The following ADAMTS6 variants were observed in gnomAD, a reference collection of about 807,000 sequenced individuals.
ADAMTS6 encodes the protein ADAM metallopeptidase with thrombospondin type 1 motif 6, also known as A disintegrin and metalloproteinase with thrombospondin motifs 6.
Under a neutral mutation model 144.3 loss-of-function variants are expected in ADAMTS6, and 23 were observed. The observed-to-expected ratio is 0.16, with a 90% CI of 0.11 to 0.23. ADAMTS6 has a LOEUF of 0.23. ADAMTS6 is among the 10% of genes least tolerant of loss of function. ADAMTS6 has a pLI of 1.00. For missense variants in ADAMTS6, 999 were observed against 1,379.6 expected, an observed-to-expected ratio of 0.72 and a Z score of 4.37; for synonymous variants, 444 against 457.5, an observed-to-expected ratio of 0.97 and a Z score of 0.38.
In ADAMTS6 at chr5:65,333,991, C is replaced by T. The variant is rs773986694; in HGVS notation, c.1117+51G>A. On this transcript the variant is annotated intron_variant, in intron 8 of 24. Coordinates refer to ENST00000381055, the MANE Select transcript of ADAMTS6 (RefSeq NM_197941.4). ...AAAAAGACAATCAGAACCATTCTAC[C>T]TTTATTAAAAAAAAAAAAAAAAAAA... The T allele has an allele frequency of 4.3e-6, 5 of 1,176,376 alleles. No individual in the cohort carries two copies. The East Asian group carries it at 1.8e-4, about 41-fold the overall frequency. 72.9% of individuals were successfully genotyped at this position (1,176,376 alleles called of 1,614,324 possible).
At chr5:65,265,624 C>T (rs1000579317) in intron 12 of ADAMTS6, among the ~76,000 whole-genome samples, 1 of 151,746 alleles carries the variant, frequency 6.6e-6, no homozygotes, top group African/African-American at 2.4e-5. Flanking sequence ...CTTTCAGAAA[C>T]TTCAAATCTT....
intron 7 of ADAMTS6, among the ~76,000 whole-genome samples, chr5:65,405,060 A>C (rs2150171349): frequency 6.6e-6 from 1 of 152,224 alleles, no homozygotes; most frequent in East Asian, 1.9e-4. Flanking sequence ...TTGTCAGATG[A>C]GTAGATTGCA....
In ADAMTS6 at chr5:65,391,740, C is replaced by CTT. The variant is rs112771142; in HGVS notation, c.1074-57657_1074-57656dup. Among the ~76,000 whole-genome samples, 141 of 144,278 alleles carry CTT rather than the reference C, an allele frequency of 9.8e-4. 2 individuals carry two copies. Among genetic ancestry groups the CTT allele is most frequent in the East Asian group, 4.4e-3 (22 of 4,968 alleles). The allele number at this position is 144,278 out of a possible 152,430, so 94.7% of individuals were successfully genotyped here. A position where few individuals can be genotyped will look rare whatever the true frequency, so the allele number is the denominator to read the frequency against. On this transcript the variant is annotated intron_variant, in intron 7 of 24. Coordinates refer to ENST00000381055, the MANE Select transcript of ADAMTS6 (RefSeq NM_197941.4). ...GCCTCTTTGTCTTTTACAACATTAA[C>CTT]TTTTTTTTTTTTTTGAGACAGAGTC... is the stretch of plus-strand genomic sequence containing the variant.
intron 3 of ADAMTS6, 35 bp from the exon 4 acceptor site, chr5:65,460,373 G>T (rs779143530): frequency 5.2e-6 from 8 of 1,534,094 alleles, no homozygotes; most frequent in Non-Finnish European, 5.3e-6. Flanking sequence ...TTACCAAAGA[G>T]AATCATTTTA....
At chr5:65,371,252 C>T (rs983432494) in intron 7 of ADAMTS6, among the ~76,000 whole-genome samples, 3 of 152,178 alleles carry the variant, frequency 2.0e-5, no homozygotes, top group Non-Finnish European at 4.4e-5. Flanking sequence ...TCACCAGCAA[C>T]GGAACAAAGC....
intron 12 of ADAMTS6, among the ~76,000 whole-genome samples, chr5:65,271,165 G>A (rs977683525): frequency 5.9e-5 from 9 of 151,760 alleles, no homozygotes; most frequent in African/African-American, 1.2e-4. Flanking sequence ...CGAGGTGGGC[G>A]GATCACAAGG....
chr5:65,287,719 AG>A (rs1474226068), intron 11 of ADAMTS6, among the ~76,000 whole-genome samples: 1 of 152,012 alleles, frequency 6.6e-6, no homozygotes, highest in African/African-American at 2.4e-5. Context: ...CAGTAGAGAC[AG>A]GGTTTCTCCA....
chr5:65,274,205 A>G (rs1433882763), intron 11 of ADAMTS6, among the ~76,000 whole-genome samples: 2 of 152,058 alleles, frequency 1.3e-5, no homozygotes, highest in Non-Finnish European at 2.9e-5. Flanking sequence ...TGTTAATACT[A>G]TATTAACATA....
At chr5:65,237,031 T>A (rs1343262205) in intron 15 of ADAMTS6, among the ~76,000 whole-genome samples, 1 of 152,070 alleles carries the variant, frequency 6.6e-6, no homozygotes, top group South Asian at 2.1e-4. Context: ...GAGAATGTTA[T>A]GATCAATTTT....
intron 4 of ADAMTS6, among the ~76,000 whole-genome samples, chr5:65,459,042 T>TC (rs1049546693): frequency 1.1e-4 from 17 of 151,962 alleles, no homozygotes; most frequent in Admixed American, 7.9e-4. Context: ...TTTTTCTTTC[T>TC]TTTTTTTCCT....
intron 1 of ADAMTS6, among the ~76,000 whole-genome samples, chr5:65,480,759 G>A (rs1173092008): frequency 6.6e-6 from 1 of 152,054 alleles, no homozygotes; most frequent in African/African-American, 2.4e-5. Context: ...AGTCTAGCAC[G>A]TCCCAAGTGG....
intron 7 of ADAMTS6, among the ~76,000 whole-genome samples, chr5:65,393,771 G>A (rs1380027464): frequency 3.3e-5 from 5 of 152,086 alleles, no homozygotes; most frequent in African/African-American, 7.2e-5. Context: ...GAAAAATTGC[G>A]AGTTTTTCTT....
intron 9 of ADAMTS6, among the ~76,000 whole-genome samples, chr5:65,302,101 AAAAAAAAT>A (rs1185427923): frequency 0.063 from 6,849 of 108,212 alleles, 425 homozygotes; most frequent in African/African-American, 0.14. Context: ...CCAAAAAAAA[AAAAAAAAT>A]ATATATATAT....
chr5:65,194,524 T>G (rs1486264100), intron 21 of ADAMTS6, among the ~76,000 whole-genome samples: 1 of 152,192 alleles, frequency 6.6e-6, no homozygotes, highest in African/African-American at 2.4e-5. Flanking sequence ...ACTTGCAATG[T>G]TTTCAACTTT....
At chr5:65,177,051 C>A (rs1378447324) in intron 22 of ADAMTS6, among the ~76,000 whole-genome samples, 1 of 152,148 alleles carries the variant, frequency 6.6e-6, no homozygotes, top group Non-Finnish European at 1.5e-5. Flanking sequence ...AGTAAACCAG[C>A]ACCAGCCTGA....
chr5:65,451,866 T>C (rs1248854884), intron 6 of ADAMTS6, among the ~76,000 whole-genome samples: 1 of 152,192 alleles, frequency 6.6e-6, no homozygotes, highest in African/African-American at 2.4e-5. Flanking sequence ...CAAAAACTAA[T>C]GAAAATCATT....
intron 7 of ADAMTS6, among the ~76,000 whole-genome samples, chr5:65,358,128 A>T (rs146622266): frequency 1.3e-5 from 2 of 152,128 alleles, no homozygotes; most frequent in Admixed American, 1.3e-4. Context: ...AGGATCATTC[A>T]CCATGAGTAA....
At chr5:65,267,341 T>C (rs1761701176) in intron 12 of ADAMTS6, among the ~76,000 whole-genome samples, 1 of 152,126 alleles carries the variant, frequency 6.6e-6, no homozygotes, top group African/African-American at 2.4e-5. Flanking sequence ...TTGGATAAAT[T>C]TGGCCTTCTT....
intron 9 of ADAMTS6, among the ~76,000 whole-genome samples, chr5:65,326,832 A>C (rs1746219264): frequency 6.6e-6 from 1 of 152,202 alleles, no homozygotes; most frequent in Admixed American, 6.5e-5. Context: ...CTAAGTCCCT[A>C]AAGGCTAAAC....
Sources: gnomAD v4.1 joint callset for allele counts (sites outside exome capture counted in the v4.1 genomes callset) on GRCh38, gnomAD v4.1.1 for gene constraint, MANE v1.5 for transcripts, NCBI Gene and HGNC (gene_info 2026-07-23, HGNC 2026-07-21) for gene names.